DLGAP1: variants seen among roughly 807,000 people sequenced by gnomAD.
DLGAP1 encodes DLG associated protein 1.
DLGAP1 carries 11 observed loss-of-function variants against 90.8 expected under a neutral mutation model. The ratio of observed to expected loss-of-function variants is 0.12; its 90% CI spans 0.08 to 0.20. The LOEUF is 0.20. Among genes scored for constraint, DLGAP1 ranks in the 10% least tolerant of loss-of-function variants. DLGAP1 has a pLI of 1.00. For missense variants in DLGAP1, 1,050 were observed against 1,333.8 expected (o/e 0.79, Z 3.31); for synonymous variants, 558 against 540.7 (o/e 1.03, Z -0.44).
intron 7 of DLGAP1, chr18:3,606,452 T>C (rs1001677473): frequency 3.7e-5 from 2 of 53,450 alleles, no homozygotes; most frequent in African/African-American, 3.7e-4. Flanking sequence ...ATAATACTTA[T>C]TTCTTTCCCT....
intron 3 of DLGAP1, among the ~76,000 whole-genome samples, chr18:3,996,103 G>GAATTTGGGGAA (rs1208034119): frequency 2.6e-5 from 4 of 151,920 alleles, no homozygotes; most frequent in African/African-American, 7.3e-5. Context: ...ATTTGATCTC[G>GAATTTGGGGAA]AATTTGGGGA....
chr18:3,785,189 G>T (rs1322686746), intron 5 of DLGAP1, among the ~76,000 whole-genome samples: 1 of 152,190 alleles, frequency 6.6e-6, no homozygotes, highest in Non-Finnish European at 1.5e-5. Context: ...CACAAGCTTA[G>T]AGGCTTAGAA....
chr18:3,749,148 C>CTTTTTTTT (rs776707431), intron 5 of DLGAP1, among the ~76,000 whole-genome samples: 6 of 120,670 alleles, frequency 5.0e-5, no homozygotes, highest in African/African-American at 9.6e-5. Context: ...TCTTCTTCTT[C>CTTTTTTTT]TTTTTTTTTT....
intron 5 of DLGAP1, among the ~76,000 whole-genome samples, chr18:3,770,507 T>C (rs1246227130): frequency 1.3e-5 from 2 of 152,198 alleles, no homozygotes; most frequent in Non-Finnish European, 2.9e-5. Flanking sequence ...CATTTTGATG[T>C]GCCATGAAAC....
intron 1 of DLGAP1, among the ~76,000 whole-genome samples, chr18:4,246,793 G>A (rs1568469690): frequency 6.6e-6 from 1 of 152,214 alleles, no homozygotes; most frequent in Admixed American, 6.5e-5. Context: ...AAGCACTCAA[G>A]TCAGTTAGTT....
chr18:4,106,802 T>C (rs966682361), intron 2 of DLGAP1, among the ~76,000 whole-genome samples: 2 of 152,226 alleles, frequency 1.3e-5, no homozygotes, highest in African/African-American at 4.8e-5. Context: ...TAGTATTTGA[T>C]GTGTCCAGTG....
intron 2 of DLGAP1, among the ~76,000 whole-genome samples, chr18:4,018,185 T>A (rs548907386): frequency 9.2e-5 from 14 of 152,304 alleles, no homozygotes; most frequent in African/African-American, 3.1e-4. Flanking sequence ...GAGATGGAGA[T>A]CTGTGGGGAG....
intron 1 of DLGAP1, among the ~76,000 whole-genome samples, chr18:4,169,242 T>G (rs1468047959): frequency 6.6e-6 from 1 of 152,224 alleles, no homozygotes; most frequent in Non-Finnish European, 1.5e-5. Context: ...TATAAACTAA[T>G]GGGTGTGAAG....
chr18:3,804,717 T>C (rs1172646999), intron 5 of DLGAP1, among the ~76,000 whole-genome samples: 1 of 152,206 alleles, frequency 6.6e-6, no homozygotes, highest in Non-Finnish European at 1.5e-5. Flanking sequence ...GAGGGTACTG[T>C]TCAGGGCACT....
chr18:3,897,719 T>A (rs1280480813), intron 3 of DLGAP1, among the ~76,000 whole-genome samples: 1 of 151,972 alleles, frequency 6.6e-6, no homozygotes, highest in Non-Finnish European at 1.5e-5. Context: ...TTGCACTCAT[T>A]ACAGGTTGAG....
At chr18:4,114,048 G>A (rs2076018965) in intron 2 of DLGAP1, among the ~76,000 whole-genome samples, 1 of 133,938 alleles carries the variant, frequency 7.5e-6, no homozygotes, top group Non-Finnish European at 1.5e-5. Flanking sequence ...GTAATGTGAT[G>A]CCTCTGGCTT....
intron 3 of DLGAP1, among the ~76,000 whole-genome samples, chr18:3,910,693 CG>C (rs1341133704): frequency 2.0e-5 from 3 of 151,964 alleles, no homozygotes; most frequent in Non-Finnish European, 4.4e-5. Flanking sequence ...TTGCGGTGTC[CG>C]GGGGAAGTTG....
intron 3 of DLGAP1, among the ~76,000 whole-genome samples, chr18:3,989,722 T>TCAC (rs2073922294): frequency 1.3e-5 from 2 of 152,118 alleles, no homozygotes; most frequent in Non-Finnish European, 2.9e-5. Context: ...GAAAATTTTT[T>TCAC]AACCTACTCA....
chr18:4,416,393 C>T (rs2144648770), intron 1 of DLGAP1, among the ~76,000 whole-genome samples: 1 of 88,586 alleles, frequency 1.1e-5, no homozygotes, highest in East Asian at 2.9e-4. Context: ...TTATTAATAA[C>T]AATTTTGAAT....
chr18:4,108,654 A>G (rs1182976321), intron 2 of DLGAP1, among the ~76,000 whole-genome samples: 2 of 152,206 alleles, frequency 1.3e-5, no homozygotes, highest in African/African-American at 4.8e-5. Context: ...ACTTCCTGTT[A>G]TATGAAAATG....
intron 2 of DLGAP1, among the ~76,000 whole-genome samples, chr18:4,146,022 G>T (rs189741848): frequency 3.3e-4 from 50 of 152,260 alleles, no homozygotes; most frequent in Admixed American, 1.6e-3. Flanking sequence ...AGTCTCAGAT[G>T]ACTAAATTAT....
At chr18:3,907,332 C>G (rs1023324331) in intron 3 of DLGAP1, among the ~76,000 whole-genome samples, 5 of 152,188 alleles carry the variant, frequency 3.3e-5, no homozygotes. Context: ...ATTTCTTGAA[C>G]CTCAGTTTAT....
chr18:3,642,269 T>C (rs2058968531), intron 7 of DLGAP1, among the ~76,000 whole-genome samples: 1 of 152,240 alleles, frequency 6.6e-6, no homozygotes, highest in Non-Finnish European at 1.5e-5. Flanking sequence ...GCATTATTCT[T>C]ACTCGTTGAG....
At chr18:4,360,155 G>C (rs1333540677) in intron 1 of DLGAP1, among the ~76,000 whole-genome samples, 1 of 152,158 alleles carries the variant, frequency 6.6e-6, no homozygotes, top group Non-Finnish European at 1.5e-5. Flanking sequence ...TTACTTAGAG[G>C]AAGAATATAG....
Sources: allele counts gnomAD v4.1 joint callset (sites outside exome capture counted in the v4.1 genomes callset), GRCh38; gene constraint gnomAD v4.1.1; transcripts MANE v1.5; gene names NCBI Gene and HGNC (gene_info 2026-07-23, HGNC 2026-07-21).